Variants in VWF observed in about 807,000 individuals in gnomAD.
VWF encodes the protein Factor VIII related antigen.
VWF carries 176 observed loss-of-function variants against 308.6 expected under a neutral mutation model. The observed-to-expected ratio is 0.57, with a 90% CI of 0.50 to 0.65. VWF has a LOEUF of 0.65. VWF is among the 30% of genes least tolerant of loss of function. The probability of loss-of-function intolerance (pLI) is 0.00; values close to 1 mark genes in which losing one functional copy is unlikely to be tolerated. For missense variants in VWF, 3,146 were observed against 3,648.2 expected (o/e 0.86, Z 3.55); for synonymous variants, 1,385 against 1,443.4 (o/e 0.96, Z 0.92).
rs1204065077 is a variant in VWF, at chr12:6,034,746, A to T, written c.2627T>A (p.Leu876His). The T allele has an allele frequency of 3.1e-6, 5 of 1,614,042 alleles. No individual in the cohort carries two copies. Among genetic ancestry groups the T allele is most frequent in the Non-Finnish European group, 4.2e-6 (5 of 1,180,038 alleles). ...TCSTIGMAHY[L>H]TFDGLKYLFP... ...CAGGTATTTGAGCCCGTCGAAGGTGAGGTAGTGGGCCATGCCGATCGTGGA... is the reference window on the plus strand; with the variant it reads ...CAGGTATTTGAGCCCGTCGAAGGTGTGGTAGTGGGCCATGCCGATCGTGGA... The change falls in exon 20 of 52, where the codon CTC (leucine) becomes CAC (histidine). Residue 876 changes from leucine to histidine, a missense_variant. Physicochemically the swap from Leu to His is moderately conservative, Grantham distance 99. Around this residue, in one of 3 missense-constraint regions of VWF, gnomAD observed 1,304 missense variants for 1,353.0 expected, o/e 0.96. Transcript: ENST00000261405.
At chr12:5,955,384 C>T (rs541225627) in intron 47 of VWF, among the ~76,000 whole-genome samples, 123 of 151,778 alleles carry the variant, frequency 8.1e-4, no homozygotes, top group African/African-American at 2.8e-3. Context: ...CACCCCACAC[C>T]AGTCCCCAGA....
In VWF at chr12:5,991,175, A is replaced by T. The variant is rs1443766088; in HGVS notation, c.6798+644T>A. Among the ~76,000 whole-genome samples, 189 of 117,048 alleles carry T rather than the reference A, an allele frequency of 1.6e-3. 3 individuals carry two copies. The highest frequency in any genetic ancestry group is 6.8e-3 in the African/African-American group (172 of 25,460). The allele number at this position is 117,048 out of a possible 152,430, so 76.8% of individuals were successfully genotyped here. On this transcript the variant is annotated intron_variant, in intron 38 of 51. Coordinates refer to ENST00000261405, the MANE Select transcript of VWF (RefSeq NM_000552.5). ...CCAGTCCCAAGGGATTCTCACACAC[A>T]CACACACACACACACACACACACAC...
chr12:6,112,251 T>G (rs968043067), intron 3 of VWF, among the ~76,000 whole-genome samples: 11 of 152,008 alleles, frequency 7.2e-5, no homozygotes, highest in Admixed American at 5.9e-4. Context: ...GTGACAAGGG[T>G]GATGGGACGG....
At position 6,019,362 on chromosome 12, in the gene VWF, G is replaced by A; in HGVS notation, c.4056C>T (p.Ser1352=). 3 of 1,613,930 alleles carry A rather than the reference G, an allele frequency of 1.9e-6. No individual in the cohort carries two copies. Among genetic ancestry groups the A allele is most frequent in the Non-Finnish European group, 1.7e-6 (2 of 1,179,864 alleles). The stretch of plus-strand genomic sequence containing the variant: ...AGACCTCGCTGGTGGAGGCCACCTG[G>A]CTGCCCGCATACTTCACCTGGCTGG... ...RIASQVKYAG[S]QVASTSEVLK... The change falls in exon 28 of 52, where the codon AGC becomes AGT. Residue 1352 remains serine (S), a synonymous_variant. Coordinates refer to ENST00000261405, the MANE Select transcript of VWF (RefSeq NM_000552.5). The surrounding 1 kb of genome is among the most constrained non-coding windows in gnomAD (Gnocchi z 5.8).
rs556680254 is a variant in VWF, at chr12:6,117,406, G to A, written c.220+3768C>T. On this transcript the variant is annotated intron_variant, in intron 3 of 51. Transcript: ENST00000261405. The stretch of plus-strand genomic sequence containing the variant: ...TTGAAACTCAAGTGACCCTGACCTC[G>A]TGGAAATGCCTGGGGGCCCAGCAGC... 5.9e-5 allele frequency among the ~76,000 whole-genome samples: 9 copies of A among 152,294 alleles called. No homozygotes were observed. The South Asian group carries it at 1.0e-3, about 18-fold the overall frequency.
chr12:6,034,192 G>A (rs1026487231), intron 20 of VWF, among the ~76,000 whole-genome samples: 7 of 152,114 alleles, frequency 4.6e-5, no homozygotes, highest in South Asian at 2.1e-4. Flanking sequence ...AAGCCATATC[G>A]TGGGAAGCAA....
chr12:5,972,616 T>C (rs1374182795), intron 43 of VWF, among the ~76,000 whole-genome samples: 2 of 152,124 alleles, frequency 1.3e-5, no homozygotes, highest in African/African-American at 2.4e-5. Flanking sequence ...CTGGACGGTC[T>C]CAACACTCCT....
intron 31 of VWF, among the ~76,000 whole-genome samples, chr12:6,015,167 T>C (rs1357630220): frequency 6.6e-6 from 1 of 152,214 alleles, no homozygotes; most frequent in Non-Finnish European, 1.5e-5. Context: ...TCACATTCAT[T>C]CACTCAACAA....
intron 48 of VWF, 63 bp downstream of exon 48, chr12:5,953,433 A>G: frequency 6.9e-7 from 1 of 1,449,776 alleles, no homozygotes; most frequent in South Asian, 1.1e-5. Context: ...TTGAAGAAAA[A>G]TTTCCAAAAA....
intron 5 of VWF, among the ~76,000 whole-genome samples, chr12:6,096,978 G>A (rs1314883780): frequency 2.6e-5 from 4 of 151,820 alleles, no homozygotes. Context: ...TTGATAGGCA[G>A]AAAAAGATCC....
At chr12:6,033,126 T>G (rs1400300185) in intron 20 of VWF, among the ~76,000 whole-genome samples, 1 of 152,186 alleles carries the variant, frequency 6.6e-6, no homozygotes, top group Non-Finnish European at 1.5e-5. Context: ...TTAATGGAAT[T>G]GTCAGGTTAA....
intron 47 of VWF, among the ~76,000 whole-genome samples, chr12:5,955,971 A>G (rs1165670505): frequency 6.6e-6 from 1 of 152,246 alleles, no homozygotes; most frequent in Non-Finnish European, 1.5e-5. Flanking sequence ...AGGGAGCCCC[A>G]GGGACCAGTG....
At chr12:6,025,008 G>C (rs959417718) in intron 24 of VWF, among the ~76,000 whole-genome samples, 13 of 125,682 alleles carry the variant, frequency 1.0e-4, no homozygotes, top group African/African-American at 4.1e-4. Context: ...GGGTGACAGA[G>C]CGAGACTCTG....
intron 5 of VWF, among the ~76,000 whole-genome samples, chr12:6,101,501 G>A (rs1396312543): frequency 6.6e-6 from 1 of 152,218 alleles, no homozygotes; most frequent in Non-Finnish European, 1.5e-5. Context: ...TCCAGGCCAG[G>A]CGCGGTGGCT....
intron 42 of VWF, among the ~76,000 whole-genome samples, chr12:5,978,239 TAGA>T (rs1943553804): frequency 6.6e-6 from 1 of 151,776 alleles, no homozygotes; most frequent in Non-Finnish European, 1.5e-5. Context: ...TTTTTAGGAC[TAGA>T]AGAACTGAAA....
At position 5,991,835 on chromosome 12, in the gene VWF, T is replaced by A; in HGVS notation, c.6782A>T (p.Asp2261Val). The A allele has an allele frequency of 1.2e-6, 2 of 1,614,116 alleles. No homozygotes were observed. Among genetic ancestry groups the A allele is most frequent in the Non-Finnish European group, 1.7e-6 (2 of 1,180,022 alleles). ...EEACTQCIGE[D>V]GVQHQFLEAW... ...GGCTCCTACCTGGTGCTGGACTCCA[T>A]CCTCACCAATGCACTGAGTGCAGGC... Residue 2261 changes from aspartate (D) to valine (V), a missense_variant, in exon 38 of 52, where the codon GAT becomes GTT. Asp to Val is a radical substitution (Grantham distance 152). This residue lies in a region of VWF where 989 missense variants were observed against 1,117.4 expected (regional missense o/e 0.89). Transcript: ENST00000261405.
chr12:6,014,505 T>C (rs1407414743), intron 31 of VWF, among the ~76,000 whole-genome samples: 1 of 152,102 alleles, frequency 6.6e-6, no homozygotes, highest in Non-Finnish European at 1.5e-5. Context: ...ACTCTCGAAG[T>C]ATTTTGAAGA....
intron 10 of VWF, among the ~76,000 whole-genome samples, chr12:6,069,440 C>T (rs551537132): frequency 1.0e-3 from 154 of 152,202 alleles, no homozygotes; most frequent in Admixed American, 2.2e-3. Context: ...AGAGAAGCTC[C>T]GGCCTGCTCC....
chr12:6,082,178 G>T (rs1299425367), intron 6 of VWF, among the ~76,000 whole-genome samples: 1 of 152,082 alleles, frequency 6.6e-6, no homozygotes, highest in Non-Finnish European at 1.5e-5. Context: ...TGTTGGTCAG[G>T]CTGGTCTCGA....
Sources: allele counts gnomAD v4.1 joint callset (sites outside exome capture counted in the v4.1 genomes callset), GRCh38; gene constraint gnomAD v4.1.1; regional missense constraint gnomAD v4.1.1; non-coding constraint Gnocchi (gnomAD v3.1); transcripts MANE v1.5; gene names NCBI Gene and HGNC (gene_info 2026-07-23, HGNC 2026-07-21).